AP1B1: variants seen among roughly 807,000 people sequenced by gnomAD.
AP1B1 encodes AP-1 complex subunit beta-1.
In AP1B1, 36 loss-of-function variants were observed where a neutral mutation model predicts 104.3. The observed-to-expected ratio is 0.35, with a 90% confidence interval of 0.26 to 0.46. The LOEUF (loss-of-function observed/expected upper bound fraction) is 0.46, where lower values mean the gene tolerates loss of function less well. AP1B1 is among the 20% of genes least tolerant of loss of function. The pLI is 1.00. For missense variants in AP1B1, 901 were observed against 1,247.9 expected (o/e 0.72, Z 4.19); for synonymous variants, 504 against 517.5 (o/e 0.97, Z 0.35).
At chr22:29,366,041 G>A (rs1376751710) in intron 2 of AP1B1, among the ~76,000 whole-genome samples, 1 of 152,182 alleles carries the variant, frequency 6.6e-6, no homozygotes, top group Non-Finnish European at 1.5e-5. Flanking sequence ...TCCTGGATCA[G>A]CTGATCCAGC....
rs174765 is a variant in AP1B1, at chr22:29,331,877, C to A, written c.2349G>T (p.Ala783=). Residue 783 remains alanine, a synonymous_variant, in exon 18 of 23, where the codon GCG becomes GCT. Transcript: ENST00000357586. ...LAPAAPLQVH[A]PLSPNQTVEI... ...CCACTGTCTGGTTGGGGCTGAGTGG[C>A]GCGTGGACCTGGAGGGGGGCGGCGG... The A allele has an allele frequency of 5.6e-6, 9 of 1,613,156 alleles. No homozygotes were observed. The highest frequency in any genetic ancestry group is 4.0e-5 in the African/African-American group (3 of 74,822).
chr22:29,386,447 C>G (rs1398423479), intron 1 of AP1B1, among the ~76,000 whole-genome samples: 2 of 152,218 alleles, frequency 1.3e-5, no homozygotes, highest in Admixed American at 6.5e-5. Context: ...ACTGAAGATG[C>G]TCCTCATGAC....
rs752014370 is a variant in AP1B1, at chr22:29,349,383, C to T, written c.1272G>A (p.Lys424=). The change falls in exon 11 of 23, where the codon AAG becomes AAA. Residue 424 remains lysine, a splice_region_variant and synonymous_variant. Coordinates refer to ENST00000357586, the MANE Select transcript of AP1B1 (RefSeq NM_001127.4). The stretch of plus-strand genomic sequence containing the variant: ...ACAGTGTGGCAATCACACTCTCATA[C>T]CTGGGAGACCAGGGCACAGTTGGTA... The part of the protein sequence containing the change: ...IKDIFRKYPN[K]YESVIATLCE... 3 of 1,613,530 alleles carry T rather than the reference C, an allele frequency of 1.9e-6. 1 individual carries two copies. The South Asian group carries it at 3.3e-5, about 18-fold the overall frequency.
intron 11 of AP1B1, among the ~76,000 whole-genome samples, chr22:29,343,249 G>C (rs1569155106): frequency 1.3e-5 from 2 of 152,256 alleles, no homozygotes; most frequent in Non-Finnish European, 2.9e-5. Context: ...CCCGGAGTCA[G>C]GGGCAGTGGG....
chr22:29,383,008 A>AT (rs1342889712), intron 1 of AP1B1, among the ~76,000 whole-genome samples: 3 of 151,880 alleles, frequency 2.0e-5, no homozygotes, highest in East Asian at 3.9e-4. Flanking sequence ...TAATCATTGC[A>AT]TTTTTTTCTC....
At chr22:29,331,368 C>T in intron 19 of AP1B1, 81 bp downstream of exon 19, 1 of 1,383,916 alleles carries the variant, frequency 7.2e-7, no homozygotes, top group South Asian at 1.2e-5. Flanking sequence ...CCATCTGGAC[C>T]TTGGTAAAGG....
intron 2 of AP1B1, among the ~76,000 whole-genome samples, chr22:29,364,199 G>T (rs1189988140): frequency 6.6e-6 from 1 of 152,124 alleles, no homozygotes; most frequent in Non-Finnish European, 1.5e-5. Context: ...GCTTGTTCAG[G>T]GTTTCACTTC....
chr22:29,341,132 C>T (rs962781245), intron 13 of AP1B1, among the ~76,000 whole-genome samples: 4 of 152,340 alleles, frequency 2.6e-5, no homozygotes, highest in South Asian at 2.1e-4. Context: ...TGCCCTAGGA[C>T]GGTGCCACCA....
chr22:29,365,543 C>G lies in AP1B1; in HGVS notation c.37+1664G>C, dbSNP rs13054777. Among the ~76,000 whole-genome samples the G allele has an allele frequency of 2.6e-3, 399 of 152,324 alleles. 3 individuals carry two copies. The highest frequency in any genetic ancestry group is 3.8e-3 in the Non-Finnish European group (258 of 68,042). ...CCCTGGGACTCCAATACACTCAGCA[C>G]TACGTTCACCCTGTGGCTCACCAGG... On this transcript the variant is annotated intron_variant, in intron 2 of 22. Transcript: ENST00000357586.
In AP1B1 at chr22:29,343,891, AC is replaced by A. The variant is rs200896092; in HGVS notation, c.1438-1509del. On this transcript the variant is annotated intron_variant, in intron 11 of 22. Coordinates refer to ENST00000357586, the MANE Select transcript of AP1B1 (RefSeq NM_001127.4). ...TTTGGGAGGCCTCGGTGGTTGGATC[AC>A]CTGAGGTCAGGAGTTCGAGACCAGC... Among the ~76,000 whole-genome samples, 13 of 152,226 alleles carry A rather than the reference AC, an allele frequency of 8.5e-5. No homozygotes were observed. In the East Asian group the frequency reaches 2.1e-3, roughly 25 times the overall value.
In AP1B1 at chr22:29,334,123, G is replaced by C. The variant is rs539963408; in HGVS notation, c.2309+142C>G. 1.2e-4 allele frequency: 114 copies of C among 960,476 alleles called. No individual in the cohort carries two copies. The African/African-American group carries it at 1.5e-3, about 13-fold the overall frequency. The allele number at this position is 960,476 out of a possible 1,614,324, so 59.5% of individuals were successfully genotyped here. ...TTCAGAGAGTTTTGGCCTGAGCGGT[G>C]GTGGGGAACATCCTTCAGAAAAGGG... is the stretch of plus-strand genomic sequence containing the variant. On this transcript the variant is annotated intron_variant, in intron 17 of 22. Coordinates refer to ENST00000357586, the MANE Select transcript of AP1B1 (RefSeq NM_001127.4).
At chr22:29,364,234 C>G (rs1285747678) in intron 2 of AP1B1, among the ~76,000 whole-genome samples, 1 of 152,168 alleles carries the variant, frequency 6.6e-6, no homozygotes, top group African/African-American at 2.4e-5. Flanking sequence ...GTTGGTTGCT[C>G]AGCTCTGAAA....
At chr22:29,331,591 C>T (rs2061559244) in intron 18 of AP1B1, 58 bp from the exon 19 acceptor site, 3 of 1,600,506 alleles carry the variant, frequency 1.9e-6, no homozygotes, top group South Asian at 2.2e-5. Context: ...TCTGAGGCCC[C>T]AGGAAGAGTG....
At position 29,328,942 on chromosome 22, in the gene AP1B1, T is replaced by G; in HGVS notation, c.2776-47A>C. 6.3e-7 allele frequency: 1 copy of G among 1,581,166 alleles called. No individual in the cohort carries two copies. Among genetic ancestry groups the G allele is most frequent in the African/African-American group, 1.3e-5 (1 of 74,404 alleles). On this transcript the variant is annotated intron_variant, in intron 22 of 22. Coordinates refer to ENST00000357586, the MANE Select transcript of AP1B1 (RefSeq NM_001127.4). This position sits in a 1 kb window ranked among gnomAD's most constrained non-coding sequence, Gnocchi z 4.1. ...GGGGAAAGAGCGCTCATCCCTGGGG[T>G]TCCTCTCAGGAAGGAAAGGGGTGGG...
Position 29,328,990 on chromosome 22 carries a change from A to T in AP1B1, c.2776-95T>A. On this transcript the variant is annotated intron_variant, in intron 22 of 22. Coordinates refer to ENST00000357586, the MANE Select transcript of AP1B1 (RefSeq NM_001127.4). This position sits in a 1 kb window ranked among gnomAD's most constrained non-coding sequence, Gnocchi z 4.1. ...GGGGAAGAGAGCAGGAACCAATGGG[A>T]CAGCGTGGAGTGCACACAGCCTGGC... 1 of 1,535,544 alleles carries T rather than the reference A, an allele frequency of 6.5e-7. No homozygotes were observed. The highest frequency in any genetic ancestry group is 8.7e-7 in the Non-Finnish European group (1 of 1,143,382).
In AP1B1 at chr22:29,358,876, T is replaced by C. The variant is rs1247421767; in HGVS notation, c.375A>G (p.Pro125=). The change falls in exon 5 of 23, where the codon CCA becomes CCG. Residue 125 remains proline (P), a synonymous_variant. Coordinates refer to ENST00000357586, the MANE Select transcript of AP1B1 (RefSeq NM_001127.4). ...CCTCGTCCTTCAGGCACTTCCGGAG[T>C]GGCTCGCACAGGTACTCTGTGATCT... ...VDKITEYLCE[P]LRKCLKDEDP... 3 of 1,613,840 alleles carry C rather than the reference T, an allele frequency of 1.9e-6. No homozygotes were observed. The highest frequency in any genetic ancestry group is 1.7e-6 in the Non-Finnish European group (2 of 1,179,962).
At chr22:29,382,542 G>A (rs967877780) in intron 1 of AP1B1, among the ~76,000 whole-genome samples, 24 of 152,114 alleles carry the variant, frequency 1.6e-4, no homozygotes, top group Non-Finnish European at 1.5e-5. Flanking sequence ...AGCAAGATAA[G>A]TGAGTAAAAT....
intron 7 of AP1B1, among the ~76,000 whole-genome samples, chr22:29,354,360 T>C (rs555831759): frequency 2.6e-5 from 4 of 152,208 alleles, no homozygotes; most frequent in East Asian, 3.9e-4. Context: ...GGCTGGACAG[T>C]TACTGTGAGG....
rs932879324 is a variant in AP1B1 at position 29,338,075 on chromosome 22, AGTGGGCATCT to A, written c.2163+905_2163+914del. ...CTTGGGGGTGTGCCCTAGGTGGCAT[AGTGGGCATCT>A]GTGGGCATCTTCAGGTGGCATAACA... is the stretch of plus-strand genomic sequence containing the variant. On this transcript the variant is annotated intron_variant, in intron 16 of 22. Transcript: ENST00000357586. Among the ~76,000 whole-genome samples, 9 of 152,136 alleles carry A rather than the reference AGTGGGCATCT, an allele frequency of 5.9e-5. 1 individual carries two copies. Among genetic ancestry groups the A allele is most frequent in the Admixed American group, 2.6e-4 (4 of 15,270 alleles).
Sources: gnomAD v4.1 joint callset for allele counts (sites outside exome capture counted in the v4.1 genomes callset) on GRCh38, gnomAD v4.1.1 for gene constraint, Gnocchi (gnomAD v3.1) non-coding constraint, MANE v1.5 for transcripts, NCBI Gene and HGNC (gene_info 2026-07-23, HGNC 2026-07-21) for gene names.